FAM186A: variants seen among roughly 807,000 people sequenced by gnomAD.
FAM186A encodes the protein protein FAM186A.
FAM186A carries 163 observed loss-of-function variants against 216.8 expected under a neutral mutation model. The ratio of observed to expected loss-of-function variants is 0.75; its 90% CI spans 0.66 to 0.86. The LOEUF is 0.86. FAM186A is among the 40% of genes least tolerant of loss of function. FAM186A has a pLI of 0.00. For missense variants in FAM186A, 2,184 were observed against 2,746.2 expected, an observed-to-expected ratio of 0.80 and a Z score of 4.58; for synonymous variants, 805 against 1,025.3, an observed-to-expected ratio of 0.79 and a Z score of 4.10.
chr12:50,358,900 G>A (rs1215849916), intron 3 of FAM186A, among the ~76,000 whole-genome samples: 5 of 142,404 alleles, frequency 3.5e-5, no homozygotes, highest in South Asian at 4.5e-4. Context: ...TCCAACCTGG[G>A]CGACAGAGTA....
intron 1 of FAM186A, among the ~76,000 whole-genome samples, chr12:50,365,375 T>C (rs1171300972): frequency 6.6e-6 from 1 of 152,222 alleles, no homozygotes; most frequent in Non-Finnish European, 1.5e-5. Flanking sequence ...TATAAATTGC[T>C]TTCCTTTTAC....
At chr12:50,345,109 A>T (rs1942799905) in intron 4 of FAM186A, among the ~76,000 whole-genome samples, 1 of 152,064 alleles carries the variant, frequency 6.6e-6, no homozygotes, top group Non-Finnish European at 1.5e-5. Context: ...AAAATTAGCC[A>T]GGGGTGGGCA....
intron 1 of FAM186A, among the ~76,000 whole-genome samples, chr12:50,389,312 C>G (rs1226746504): frequency 6.6e-6 from 1 of 152,042 alleles, no homozygotes; most frequent in Admixed American, 6.6e-5. Flanking sequence ...ACCAGCCTGA[C>G]CAACATGGAG....
chr12:50,342,890 G>A (rs1220348017), intron 4 of FAM186A, among the ~76,000 whole-genome samples: 1 of 151,232 alleles, frequency 6.6e-6, no homozygotes, highest in Non-Finnish European at 1.5e-5. Context: ...TCCTGTCTCA[G>A]TTTTCCAAAT....
intron 4 of FAM186A, among the ~76,000 whole-genome samples, chr12:50,343,358 A>G (rs1304763860): frequency 1.3e-5 from 2 of 152,184 alleles, no homozygotes; most frequent in African/African-American, 2.4e-5. Context: ...TCTTTAATAC[A>G]TGTGAAAATA....
At chr12:50,378,332 C>A (rs1027120867) in intron 1 of FAM186A, among the ~76,000 whole-genome samples, 1 of 151,288 alleles carries the variant, frequency 6.6e-6, no homozygotes, top group Non-Finnish European at 1.5e-5. Flanking sequence ...AGTTCAAGAC[C>A]AGCCTGGCCA....
chr12:50,364,395 A>G (rs1336193408), intron 1 of FAM186A, among the ~76,000 whole-genome samples: 1 of 151,656 alleles, frequency 6.6e-6, no homozygotes, highest in African/African-American at 2.4e-5. Flanking sequence ...TCTCCTAAAA[A>G]AAAATACAAA....
intron 1 of FAM186A, among the ~76,000 whole-genome samples, chr12:50,380,349 G>A (rs561025128): frequency 6.6e-6 from 1 of 151,920 alleles, no homozygotes; most frequent in Non-Finnish European, 1.5e-5. Flanking sequence ...TGTGTGTACT[G>A]GAAATCAACT....
chr12:50,329,510 A>AT (rs1486174115), intron 7 of FAM186A, among the ~76,000 whole-genome samples: 2 of 150,696 alleles, frequency 1.3e-5, no homozygotes, highest in Non-Finnish European at 3.0e-5. Flanking sequence ...AAATAGTAAT[A>AT]TTTTTCTTAA....
Position 50,354,987 on chromosome 12 carries a change from T to C in FAM186A, c.1845A>G (p.Gly615=), listed in dbSNP as rs1478544068. The change falls in exon 4 of 8, where the codon GGA becomes GGG. Residue 615 remains glycine (G), a synonymous_variant. Coordinates refer to ENST00000327337, the MANE Select transcript of FAM186A (RefSeq NM_001145475.3). ...IKGKKHHISS[G]TITSKEEKTE... Reference sequence around the variant, plus strand: ...TTTTTTCTTCTTTGCTTGTGATAGTTCCTGAAGAGATATGGTGTTTCTTTC... The same window carrying C: ...TTTTTTCTTCTTTGCTTGTGATAGTCCCTGAAGAGATATGGTGTTTCTTTC... 1 of 1,551,058 alleles carries C rather than the reference T, an allele frequency of 6.4e-7. No individual in the cohort carries two copies. Among genetic ancestry groups the C allele is most frequent in the Non-Finnish European group, 8.7e-7 (1 of 1,146,916 alleles).
At chr12:50,337,369 A>G (rs1432506436) in intron 4 of FAM186A, among the ~76,000 whole-genome samples, 3 of 134,592 alleles carry the variant, frequency 2.2e-5, no homozygotes, top group Non-Finnish European at 4.6e-5. Context: ...ATCTTGGCTC[A>G]CTGCAGCCTT....
chr12:50,336,861 CA>C (rs1424111990), intron 4 of FAM186A, among the ~76,000 whole-genome samples: 3 of 150,858 alleles, frequency 2.0e-5, no homozygotes, highest in African/African-American at 4.9e-5. Flanking sequence ...CCATCAAAGA[CA>C]TTTTTCTAAA....
At chr12:50,374,250 A>G (rs1267957425) in intron 1 of FAM186A, among the ~76,000 whole-genome samples, 3 of 151,980 alleles carry the variant, frequency 2.0e-5, no homozygotes, top group African/African-American at 7.2e-5. Context: ...ATGTATACAT[A>G]TGTAACTAAC....
intron 4 of FAM186A, among the ~76,000 whole-genome samples, chr12:50,342,834 C>T (rs1339441713): frequency 6.6e-6 from 1 of 151,126 alleles, no homozygotes; most frequent in Non-Finnish European, 1.5e-5. Context: ...TGGCACAACA[C>T]GATCATAACT....
At position 50,354,142 on chromosome 12, in the gene FAM186A, G is replaced by T. The variant is rs1306178648; in HGVS notation, c.2690C>A (p.Thr897Asn). Reference sequence around the variant, plus strand: ...TTCCTCTTGCTCAGCCTGCTTTGGAGTTGCCTGTTTTTGCTCTTCCTTCCA... The same window carrying T: ...TTCCTCTTGCTCAGCCTGCTTTGGATTTGCCTGTTTTTGCTCTTCCTTCCA... ...EMWKEEQKQA[T>N]PKQAEQEEKQ... The change falls in exon 4 of 8, where the codon ACT becomes AAT. Residue 897 changes from threonine (T) to asparagine (N), a missense_variant. This residue lies in a region of FAM186A where 1,132 missense variants were observed against 1,263.4 expected (regional missense o/e 0.90). Coordinates refer to ENST00000327337, the MANE Select transcript of FAM186A (RefSeq NM_001145475.3). 1 of 1,551,664 alleles carries T rather than the reference G, an allele frequency of 6.4e-7. No homozygotes were observed. The highest frequency in any genetic ancestry group is 8.7e-7 in the Non-Finnish European group (1 of 1,146,988).
intron 4 of FAM186A, among the ~76,000 whole-genome samples, chr12:50,341,071 A>G (rs901612328): frequency 3.3e-5 from 5 of 152,178 alleles, no homozygotes; most frequent in African/African-American, 1.2e-4. Context: ...TGCTGGGATT[A>G]CAGGCATGAG....
At chr12:50,360,558 G>A (rs967713761) in intron 3 of FAM186A, among the ~76,000 whole-genome samples, 198 bp downstream of exon 3, 19 of 151,776 alleles carry the variant, frequency 1.3e-4, no homozygotes, top group East Asian at 1.9e-4. Flanking sequence ...GGTGGTACAC[G>A]TCTGTAGTTC....
intron 1 of FAM186A, among the ~76,000 whole-genome samples, chr12:50,394,023 A>G (rs1320870554): frequency 6.6e-6 from 1 of 151,842 alleles, no homozygotes; most frequent in Admixed American, 6.6e-5. Flanking sequence ...GGCTCAAGTG[A>G]TTCTCTTGCC....
intron 5 of FAM186A, 43 bp downstream of exon 5, chr12:50,333,868 G>A: frequency 6.6e-7 from 1 of 1,505,742 alleles, no homozygotes; most frequent in East Asian, 2.5e-5. Context: ...CCACTTTCAT[G>A]TTTTTACAAC....
Sources: allele counts gnomAD v4.1 joint callset (sites outside exome capture counted in the v4.1 genomes callset), GRCh38; gene constraint gnomAD v4.1.1; regional missense constraint gnomAD v4.1.1; transcripts MANE v1.5; gene names NCBI Gene and HGNC (gene_info 2026-07-23, HGNC 2026-07-21).